ITGA11: variants seen among roughly 807,000 people sequenced by gnomAD.
ITGA11 encodes integrin subunit alpha 11.
Under a neutral mutation model 141.9 loss-of-function variants are expected in ITGA11, and 97 were observed. That is an observed-to-expected ratio of 0.68 (90% CI 0.58 to 0.81). ITGA11 has a LOEUF of 0.81. Among genes scored for constraint, ITGA11 ranks in the 30% least tolerant of loss-of-function variants. The pLI is 0.00. For synonymous variants in ITGA11, 658 were observed against 624.6 expected (o/e 1.05, Z -0.80); for missense variants, 1,387 against 1,559.2 (o/e 0.89, Z 1.86).
At position 68,351,278 on chromosome 15, in the gene ITGA11, C is replaced by A. The variant is rs768867198; in HGVS notation, c.874G>T (p.Val292Leu). 3.1e-6 allele frequency: 5 copies of A among 1,613,914 alleles called. No individual in the cohort carries two copies. In the Middle Eastern group the frequency reaches 4.9e-4, roughly 159 times the overall value. ...KVIQQSERDN[V>L]TRYAVAVLGY... ...CTTACGGCCACCGCATATCTTGTTA[C>A]GTTGTCTCTTTCGCTTTGCTGGATC... The change falls in exon 8 of 30, where the codon GTA (valine) becomes TTA (leucine). Residue 292 changes from valine (V) to leucine (L), a missense_variant. By Grantham distance (32) the Val-to-Leu change is conservative. Transcript: ENST00000315757.
rs777647006 is a variant in ITGA11, at chr15:68,303,802, C to T, written c.3465G>A (p.Leu1155=). ...IVGSTLGGLL[L]LALLVLALWK... Reference sequence around the variant, plus strand: ...ACAGTGCCAGGACCAGCAGGGCCAGCAGTAGGAGGCCCCCCAGGGTGCTGC... The same window carrying T: ...ACAGTGCCAGGACCAGCAGGGCCAGTAGTAGGAGGCCCCCCAGGGTGCTGC... Residue 1155 remains leucine, a synonymous_variant, in exon 29 of 30, where the codon CTG becomes CTA. Transcript: ENST00000315757. The surrounding 1 kb of genome is among the most constrained non-coding windows in gnomAD (Gnocchi z 5.3). The T allele has an allele frequency of 1.9e-6, 3 of 1,612,602 alleles. No individual in the cohort carries two copies. The African/African-American group carries it at 4.0e-5, about 21-fold the overall frequency.
chr15:68,299,735 T>C lies in ITGA11; in HGVS notation c.*3324A>G, dbSNP rs1006704017. 2 of 152,212 alleles carry C rather than the reference T, an allele frequency of 1.3e-5. No individual in the cohort carries two copies. The highest frequency in any genetic ancestry group is 2.9e-5 in the Non-Finnish European group (2 of 68,028). 9.4% of individuals were successfully genotyped at this position (152,212 alleles called of 1,614,324 possible). A position where few individuals can be genotyped will look rare whatever the true frequency, so the allele number is the denominator to read the frequency against. Reference sequence around the variant, plus strand: ...TCTAATGTCTTATTCTCAGACAGTATTGATGCTAAAACCTTTTGAATACTG... The same window carrying C: ...TCTAATGTCTTATTCTCAGACAGTACTGATGCTAAAACCTTTTGAATACTG... On this transcript the variant is annotated 3_prime_UTR_variant, in exon 30 of 30. Transcript: ENST00000315757.
At chr15:68,350,172 A>G (rs1045462783) in intron 9 of ITGA11, among the ~76,000 whole-genome samples, 1 of 152,090 alleles carries the variant, frequency 6.6e-6, no homozygotes, top group African/African-American at 2.4e-5. Context: ...GTAATACTCA[A>G]TTGTTGGCAT....
chr15:68,358,549 T>C lies in ITGA11; in HGVS notation c.509A>G (p.Asp170Gly). 6.2e-7 allele frequency: 1 copy of C among 1,614,074 alleles called. No homozygotes were observed. Reference sequence around the variant, plus strand: ...CCAGGGGTAGATGCTGTTGGAGCCATCCAGGACAATGACGATGTCCATGTA... The same window carrying C: ...CCAGGGGTAGATGCTGTTGGAGCCACCCAGGACAATGACGATGTCCATGTA... ...QTYMDIVIVL[D>G]GSNSIYPWVE... Residue 170 changes from aspartate to glycine, a missense_variant, in exon 6 of 30, where the codon GAT (aspartate) becomes GGT (glycine). Transcript: ENST00000315757.
At chr15:68,397,703 A>G (rs1368827770) in intron 2 of ITGA11, among the ~76,000 whole-genome samples, 1 of 58,328 alleles carries the variant, frequency 1.7e-5, no homozygotes, top group African/African-American at 8.2e-5. Context: ...TATTATATTT[A>G]AAATATTATA....
At chr15:68,342,239 G>A (rs977286194) in intron 10 of ITGA11, among the ~76,000 whole-genome samples, 1 of 152,248 alleles carries the variant, frequency 6.6e-6, no homozygotes, top group African/African-American at 2.4e-5. Flanking sequence ...GGCATTCCCG[G>A]GAAGAGCTGT....
chr15:68,426,699 C>A (rs1265554820), intron 1 of ITGA11, among the ~76,000 whole-genome samples: 10 of 152,082 alleles, frequency 6.6e-5, no homozygotes, highest in Non-Finnish European at 1.3e-4. Context: ...TCTTTCTGTG[C>A]CCTCAAGTTC....
Position 68,303,804 on chromosome 15 carries a change from G to A in ITGA11, c.3463C>T (p.Leu1155=). 1.2e-6 allele frequency: 2 copies of A among 1,612,666 alleles called. No individual in the cohort carries two copies. Among genetic ancestry groups the A allele is most frequent in the African/African-American group, 1.3e-5 (1 of 75,026 alleles). Residue 1155 remains leucine, a synonymous_variant, in exon 29 of 30, where the codon CTG becomes TTG. Transcript: ENST00000315757. The surrounding 1 kb of genome is among the most constrained non-coding windows in gnomAD (Gnocchi z 5.3). The part of the protein sequence containing the change: ...IVGSTLGGLL[L]LALLVLALWK... ...AGTGCCAGGACCAGCAGGGCCAGCA[G>A]TAGGAGGCCCCCCAGGGTGCTGCCT...
At chr15:68,366,706 G>A (rs1352247304) in intron 3 of ITGA11, among the ~76,000 whole-genome samples, 2 of 152,162 alleles carry the variant, frequency 1.3e-5, no homozygotes, top group African/African-American at 4.8e-5. Flanking sequence ...CTGTGAGCGG[G>A]AGAGACTCAC....
At chr15:68,353,773 G>A (rs745366271) in intron 7 of ITGA11, among the ~76,000 whole-genome samples, 5 of 152,046 alleles carry the variant, frequency 3.3e-5, no homozygotes, top group Non-Finnish European at 5.9e-5. Context: ...TTTAGGCCCC[G>A]TCACAGCTCC....
intron 2 of ITGA11, among the ~76,000 whole-genome samples, chr15:68,373,886 C>T (rs1257638980): frequency 6.6e-6 from 1 of 152,164 alleles, no homozygotes; most frequent in African/African-American, 2.4e-5. Flanking sequence ...CCTGCTGATG[C>T]TTTGAACCCC....
At position 68,325,182 on chromosome 15, in the gene ITGA11, A is replaced by G. The variant is rs1359985816; in HGVS notation, c.2271T>C (p.Pro757=). 2 of 1,613,928 alleles carry G rather than the reference A, an allele frequency of 1.2e-6. No homozygotes were observed. The highest frequency in any genetic ancestry group is 1.7e-6 in the Non-Finnish European group (2 of 1,179,856). ...TFSVEYSLED[P]DHGPMLDDGW... Reference sequence around the variant, plus strand: ...CGTCGTCCAGCATGGGGCCATGGTCAGGGTCCTCCAGGGAATACTCGACTG... The same window carrying G: ...CGTCGTCCAGCATGGGGCCATGGTCGGGGTCCTCCAGGGAATACTCGACTG... The change falls in exon 18 of 30, where the codon CCT becomes CCC. Residue 757 remains proline, a synonymous_variant. Coordinates refer to ENST00000315757, the MANE Select transcript of ITGA11 (RefSeq NM_001004439.2). This position sits in a 1 kb window ranked among gnomAD's most constrained non-coding sequence, Gnocchi z 5.5.
chr15:68,372,497 A>C (rs1021622916), intron 2 of ITGA11, among the ~76,000 whole-genome samples: 4 of 152,206 alleles, frequency 2.6e-5, no homozygotes, highest in Non-Finnish European at 5.9e-5. Context: ...GCTGTGAGTC[A>C]CTGGCTGCGG....
intron 3 of ITGA11, chr15:68,365,362 T>G (rs1349986905): frequency 1.0e-6 from 1 of 986,318 alleles, no homozygotes; most frequent in Non-Finnish European, 1.2e-6. Flanking sequence ...GGAATGCCAT[T>G]CTGAAGGAGG....
chr15:68,394,307 G>C (rs970564919), intron 2 of ITGA11, among the ~76,000 whole-genome samples: 7 of 151,828 alleles, frequency 4.6e-5, no homozygotes, highest in African/African-American at 1.7e-4. Flanking sequence ...ATAATAGAAA[G>C]ACAACTAGAA....
Position 68,302,314 on chromosome 15 carries a change from G to C in ITGA11, c.*745C>G, listed in dbSNP as rs1893059757. 6.6e-6 allele frequency: 1 copy of C among 152,464 alleles called. No homozygotes were observed. The highest frequency in any genetic ancestry group is 1.5e-5 in the Non-Finnish European group (1 of 68,250). 9.4% of individuals were successfully genotyped at this position (152,464 alleles called of 1,614,324 possible). Reference sequence around the variant, plus strand: ...GTGACCCGGGAGGGTTGGCAGCTGAGAGCAAGGGGCTGCAGCTGGTGGGGG... The same window carrying C: ...GTGACCCGGGAGGGTTGGCAGCTGACAGCAAGGGGCTGCAGCTGGTGGGGG... On this transcript the variant is annotated 3_prime_UTR_variant, in exon 30 of 30. Coordinates refer to ENST00000315757, the MANE Select transcript of ITGA11 (RefSeq NM_001004439.2).
intron 2 of ITGA11, among the ~76,000 whole-genome samples, chr15:68,399,777 C>T (rs924855503): frequency 2.6e-5 from 4 of 152,006 alleles, no homozygotes; most frequent in African/African-American, 9.7e-5. Context: ...AAGATGGGAA[C>T]TATAGACATT....
At chr15:68,411,550 T>C (rs1233805265) in intron 1 of ITGA11, among the ~76,000 whole-genome samples, 2 of 152,214 alleles carry the variant, frequency 1.3e-5, no homozygotes, top group Non-Finnish European at 2.9e-5. Context: ...AGCCGCTCTA[T>C]GGCAGAAGAG....
intron 8 of ITGA11, 53 bp from the exon 9 acceptor site, chr15:68,350,835 C>A (rs1371839675): frequency 1.3e-6 from 2 of 1,564,204 alleles, no homozygotes; most frequent in Non-Finnish European, 1.7e-6. Context: ...ACAGACTTTC[C>A]CATACACCAC....
Sources: gnomAD v4.1 joint callset for allele counts (sites outside exome capture counted in the v4.1 genomes callset) on GRCh38, gnomAD v4.1.1 for gene constraint, Gnocchi (gnomAD v3.1) non-coding constraint, MANE v1.5 for transcripts, NCBI Gene and HGNC (gene_info 2026-07-23, HGNC 2026-07-21) for gene names.